The following BTBD8 variants were observed in gnomAD, a reference collection of about 807,000 sequenced individuals.
BTBD8 encodes BTB/POZ domain-containing protein 8.
BTBD8 carries 110 observed loss-of-function variants against 162.9 expected under a neutral mutation model. That is an observed-to-expected ratio of 0.68 (90% CI 0.58 to 0.79). The LOEUF (loss-of-function observed/expected upper bound fraction) is 0.79. Ranked by LOEUF, BTBD8 falls within the 30% of genes least tolerant of loss-of-function variation. The probability of loss-of-function intolerance (pLI) is 0.00; values close to 1 mark genes in which losing one functional copy is unlikely to be tolerated. For synonymous variants in BTBD8, 667 were observed against 716.1 expected (o/e 0.93, Z 1.10); for missense variants, 1,905 against 2,085.4 (o/e 0.91, Z 1.68).
At chr1:92,152,671 T>A (rs1650071474) in intron 9 of BTBD8, among the ~76,000 whole-genome samples, 1 of 152,000 alleles carries the variant, frequency 6.6e-6, no homozygotes, top group South Asian at 2.1e-4. Context: ...TTTTTTTTTT[T>A]AAGCAAGTGG....
At chr1:92,128,166 G>A (rs1299924494) in intron 4 of BTBD8, among the ~76,000 whole-genome samples, 2 of 151,986 alleles carry the variant, frequency 1.3e-5, no homozygotes, top group African/African-American at 4.8e-5. Flanking sequence ...GCCCAGGCTG[G>A]AGTGCGGTGG....
At position 92,178,878 on chromosome 1, in the gene BTBD8, C is replaced by T. The variant is rs550476504; in HGVS notation, c.2581+427C>T. Among the ~76,000 whole-genome samples the T allele has an allele frequency of 2.6e-5, 4 of 152,270 alleles. No homozygotes were observed. The South Asian group carries it at 8.3e-4, about 32-fold the overall frequency. The stretch of plus-strand genomic sequence containing the variant: ...TTCTGGTCCTTTTAAATATTATGCC[C>T]ATGTTTCTTGAAAGTTCCATTGATA... On this transcript the variant is annotated intron_variant, in intron 16 of 17. Coordinates refer to ENST00000636805, the MANE Select transcript of BTBD8 (RefSeq NM_001376131.1).
At chr1:92,083,857 T>C (rs1237230206) in intron 1 of BTBD8, among the ~76,000 whole-genome samples, 1 of 152,076 alleles carries the variant, frequency 6.6e-6, no homozygotes, top group Non-Finnish European at 1.5e-5. Flanking sequence ...AAAGGAAGCA[T>C]TGAAAATGGC....
chr1:92,158,957 A>G (rs144831764), intron 9 of BTBD8, among the ~76,000 whole-genome samples: 31 of 152,062 alleles, frequency 2.0e-4, no homozygotes, highest in Middle Eastern at 6.8e-3. Flanking sequence ...TGGTTTCACC[A>G]TGTTGCCTAG....
chr1:92,131,799 T>C (rs1420297471), intron 5 of BTBD8, among the ~76,000 whole-genome samples: 1 of 151,860 alleles, frequency 6.6e-6, no homozygotes. Context: ...GAGGTCAACA[T>C]AGGGCCTCAA....
chr1:92,098,089 A>G (rs1648500089), intron 2 of BTBD8, among the ~76,000 whole-genome samples: 1 of 152,112 alleles, frequency 6.6e-6, no homozygotes, highest in African/African-American at 2.4e-5. Context: ...CGAATTCCAG[A>G]CTCCCAGGAG....
chr1:92,107,776 C>T, intron 3 of BTBD8, 108 bp from the exon 4 acceptor site: 5 of 819,058 alleles, frequency 6.1e-6, no homozygotes, highest in Admixed American at 3.0e-5. Context: ...TTACATATTC[C>T]AACTAATTGA....
rs773586821 is a variant in BTBD8, at chr1:92,180,676, T to C, written c.2993T>C (p.Ile998Thr). Residue 998 changes from isoleucine to threonine, a missense_variant, in exon 17 of 18, where the codon ATA (isoleucine) becomes ACA (threonine). Coordinates refer to ENST00000636805, the MANE Select transcript of BTBD8 (RefSeq NM_001376131.1). ...CCTCTCATTAATCTTGCATCTGAAA[T>C]AAGTGATGCAGAAGCACTCCAGTCA... Reference protein sequence around the residue: ...HKPLINLASEISDAEALQSSC... With the variant: ...HKPLINLASETSDAEALQSSC... 1.3e-6 allele frequency: 2 copies of C among 1,551,372 alleles called. No individual in the cohort carries two copies. Among genetic ancestry groups the C allele is most frequent in the South Asian group, 2.4e-5 (2 of 83,992 alleles).
chr1:92,080,542 G>C lies in BTBD8; in HGVS notation c.-30G>C. ...GCGGGGCAAGTGAGGCCAAGTACTG[G>C]GCCTCCAGGGCGTCGTACCTCTGTG... On this transcript the variant is annotated 5_prime_UTR_variant, in exon 1 of 18. Coordinates refer to ENST00000636805, the MANE Select transcript of BTBD8 (RefSeq NM_001376131.1). 1.2e-6 allele frequency: 2 copies of C among 1,611,054 alleles called. No homozygotes were observed. Among genetic ancestry groups the C allele is most frequent in the East Asian group, 4.5e-5 (2 of 44,706 alleles).
chr1:92,080,800 C>T (rs1647988585), intron 1 of BTBD8, 80 bp downstream of exon 1: 1 of 1,529,870 alleles, frequency 6.5e-7, no homozygotes, highest in African/African-American at 1.4e-5. Context: ...TCTTTCGGCT[C>T]TGCCTCCCCC....
chr1:92,167,935 C>T lies in BTBD8; in HGVS notation c.1393C>T (p.Leu465Phe). The change falls in exon 11 of 18, where the codon CTT becomes TTT. Residue 465 changes from leucine to phenylalanine, a missense_variant. This residue lies in a region of BTBD8 where 1,374 missense variants were observed against 1,442.7 expected (regional missense o/e 0.95). Transcript: ENST00000636805. ...TATCACCACTGAAAATAGCTGCTCT[C>T]TTCTTATGGCTCTGGACACACTGCT... ...ENITTENSCS[L>F]LMALDTLLNS... is the part of the protein sequence containing the mutation. The T allele has an allele frequency of 6.4e-7, 1 of 1,550,790 alleles. No homozygotes were observed. The highest frequency in any genetic ancestry group is 8.7e-7 in the Non-Finnish European group (1 of 1,146,378).
At chr1:92,169,841 A>G (rs1033434670) in intron 12 of BTBD8, among the ~76,000 whole-genome samples, 3 of 152,184 alleles carry the variant, frequency 2.0e-5, no homozygotes, top group Non-Finnish European at 4.4e-5. Flanking sequence ...TTTACATTAT[A>G]AGCATTACAT....
At chr1:92,178,263 C>A in intron 15 of BTBD8, 49 bp from the exon 16 acceptor site, 5 of 1,413,984 alleles carry the variant, frequency 3.5e-6, no homozygotes, top group Admixed American at 2.6e-5. Context: ...TTAAAAAGTT[C>A]ATGTTTTGGA....
In BTBD8 at chr1:92,174,626, G is replaced by GTT. The variant is rs5776141; in HGVS notation, c.1636-2194_1636-2193dup. On this transcript the variant is annotated intron_variant, in intron 13 of 17. Transcript: ENST00000636805. ...TTTTAGGTATTAAAAATAGAGAAAT[G>GTT]TTTTTTTTTTGAGCTAAGATTTGAG... Among the ~76,000 whole-genome samples, 262 of 150,318 alleles carry GTT rather than the reference G, an allele frequency of 1.7e-3. 1 individual carries two copies. The highest frequency in any genetic ancestry group is 4.6e-3 in the Admixed American group (69 of 15,086).
chr1:92,101,188 C>T (rs529108570), intron 2 of BTBD8, among the ~76,000 whole-genome samples: 1 of 152,224 alleles, frequency 6.6e-6, no homozygotes, highest in African/African-American at 2.4e-5. Flanking sequence ...TTTTCTAATC[C>T]TGAGTTACTT....
chr1:92,165,176 G>A (rs1181440170), intron 9 of BTBD8, among the ~76,000 whole-genome samples: 1 of 151,322 alleles, frequency 6.6e-6, no homozygotes, highest in African/African-American at 2.4e-5. Flanking sequence ...TTTTGAAGTT[G>A]AAAGATTAAA....
chr1:92,109,037 A>G (rs72956833), intron 4 of BTBD8, among the ~76,000 whole-genome samples: 6,275 of 152,248 alleles, frequency 0.041, 463 homozygotes, highest in African/African-American at 0.14. Flanking sequence ...TGCTAGTCTG[A>G]ACTAGCTATT....
rs774776267 is a variant in BTBD8, at chr1:92,145,895, C to T, written c.931-1285C>T. ...ACTCAGGAGGCTGAGGCAGGAGAGT[C>T]GCTTGAACCCAGGAGGCGGAGATTG... On this transcript the variant is annotated intron_variant, in intron 7 of 17. Transcript: ENST00000636805. Among the ~76,000 whole-genome samples, 55 of 152,022 alleles carry T rather than the reference C, an allele frequency of 3.6e-4. 1 individual carries two copies. The highest frequency in any genetic ancestry group is 1.3e-4 in the Admixed American group (2 of 15,272).
At chr1:92,086,961 G>A (rs559692133) in intron 1 of BTBD8, among the ~76,000 whole-genome samples, 2 of 152,216 alleles carry the variant, frequency 1.3e-5, no homozygotes, top group South Asian at 4.1e-4. Context: ...ATACAGTAGT[G>A]GGCAAAGATA....
Sources: allele counts gnomAD v4.1 joint callset (sites outside exome capture counted in the v4.1 genomes callset), GRCh38; gene constraint gnomAD v4.1.1; regional missense constraint gnomAD v4.1.1; transcripts MANE v1.5; gene names NCBI Gene and HGNC (gene_info 2026-07-23, HGNC 2026-07-21).